The following PTPRN2 variants were observed in gnomAD, a reference collection of about 807,000 sequenced individuals.
PTPRN2 encodes receptor-type tyrosine-protein phosphatase N2.
A neutral mutation model predicts 118.8 loss-of-function variants in PTPRN2; 74 were observed. The ratio of observed to expected loss-of-function variants is 0.62; its 90% CI spans 0.52 to 0.76. The LOEUF (loss-of-function observed/expected upper bound fraction) is 0.76, where lower values mean the gene tolerates loss of function less well. Ranked by LOEUF, PTPRN2 falls within the 30% of genes least tolerant of loss-of-function variation. The pLI, the probability that PTPRN2 is intolerant of heterozygous loss-of-function variation, is 0.00. For synonymous variants in PTPRN2, 641 were observed against 608.0 expected (o/e 1.05, Z -0.80); for missense variants, 1,481 against 1,394.4 (o/e 1.06, Z -0.99).
At position 157,879,133 on chromosome 7, in the gene PTPRN2, G is replaced by A. The variant is rs543075812; in HGVS notation, c.1788+19540C>T. Among the ~76,000 whole-genome samples, 80 of 140,404 alleles carry A rather than the reference G, an allele frequency of 5.7e-4. No individual in the cohort carries two copies. In the South Asian group the frequency reaches 7.3e-3, roughly 13 times the overall value. The allele number at this position is 140,404 out of a possible 152,430, so 92.1% of individuals were successfully genotyped here. A position where few individuals can be genotyped will look rare whatever the true frequency, so the allele number is the denominator to read the frequency against. ...CACACTTACTCACCGAGGAGCTCTCGGATTCCGTGGGGCTGGACGGGTCAG... is the reference window on the plus strand; with the variant it reads ...CACACTTACTCACCGAGGAGCTCTCAGATTCCGTGGGGCTGGACGGGTCAG... On this transcript the variant is annotated intron_variant, in intron 12 of 22. Transcript: ENST00000389418.
chr7:157,644,346 G>A (rs920534643), intron 14 of PTPRN2, among the ~76,000 whole-genome samples: 2 of 152,292 alleles, frequency 1.3e-5, no homozygotes, highest in African/African-American at 2.4e-5. Flanking sequence ...TCTGGCCTCC[G>A]AAACTGTGAG....
intron 10 of PTPRN2, among the ~76,000 whole-genome samples, chr7:158,109,524 T>C (rs894687814): frequency 1.3e-5 from 2 of 150,518 alleles, no homozygotes; most frequent in Non-Finnish European, 3.0e-5. Context: ...GTCAACCCTG[T>C]GTGAAGGAGC....
intron 9 of PTPRN2, among the ~76,000 whole-genome samples, chr7:158,129,345 T>C (rs1817973282): frequency 7.5e-6 from 1 of 133,772 alleles, no homozygotes; most frequent in African/African-American, 2.9e-5. Context: ...GCACTACACA[T>C]AACACACACC....
At chr7:157,976,472 A>T (rs1802757541) in intron 11 of PTPRN2, among the ~76,000 whole-genome samples, 1 of 151,612 alleles carries the variant, frequency 6.6e-6, no homozygotes, top group Non-Finnish European at 1.5e-5. Context: ...CCCCCCACCA[A>T]TTACCCCTTC....
intron 22 of PTPRN2, among the ~76,000 whole-genome samples, chr7:157,543,798 G>A (rs1267402369): frequency 6.6e-6 from 1 of 152,212 alleles, no homozygotes; most frequent in African/African-American, 2.4e-5. Context: ...AGGGGGTGAG[G>A]ATGACACACC....
rs190482554 is a variant in PTPRN2 at position 157,558,488 on chromosome 7, G to A, written c.2903-9469C>T. Among the ~76,000 whole-genome samples, 10 of 152,362 alleles carry A rather than the reference G, an allele frequency of 6.6e-5. No individual in the cohort carries two copies. The East Asian group carries it at 1.9e-3, about 29-fold the overall frequency. ...TGCGGTCAATGGCGTTCAGGAGGCC[G>A]TCTGCAGCTGAGTAACAATCACACC... On this transcript the variant is annotated intron_variant, in intron 21 of 22. Coordinates refer to ENST00000389418, the MANE Select transcript of PTPRN2 (RefSeq NM_002847.5).
intron 12 of PTPRN2, among the ~76,000 whole-genome samples, chr7:157,812,869 G>C (rs1806144532): frequency 1.3e-5 from 2 of 152,130 alleles, no homozygotes; most frequent in South Asian, 4.2e-4. Context: ...AACCAGCGTT[G>C]TGCAAACCGG....
chr7:157,695,570 C>T (rs565016394), intron 12 of PTPRN2, among the ~76,000 whole-genome samples: 1 of 152,202 alleles, frequency 6.6e-6, no homozygotes, highest in South Asian at 2.1e-4. Context: ...ACAATGAGTG[C>T]ATTTTGAAAA....
chr7:158,425,565 G>T (rs1245731343), intron 2 of PTPRN2, among the ~76,000 whole-genome samples: 3 of 67,816 alleles, frequency 4.4e-5, no homozygotes, highest in African/African-American at 6.6e-5. Context: ...AAAGACGCGG[G>T]GTCCGAGACC....
chr7:158,404,026 G>A (rs571085789), intron 2 of PTPRN2, among the ~76,000 whole-genome samples: 48 of 152,330 alleles, frequency 3.2e-4, no homozygotes, highest in African/African-American at 1.1e-3. Context: ...AAAATGACAC[G>A]AAGACGTTGT....
chr7:158,547,062 C>A (rs1025490673), intron 1 of PTPRN2, among the ~76,000 whole-genome samples: 1 of 152,198 alleles, frequency 6.6e-6, no homozygotes, highest in Non-Finnish European at 1.5e-5. Context: ...TCACTCACCC[C>A]ACACCACCGA....
intron 12 of PTPRN2, among the ~76,000 whole-genome samples, chr7:157,689,269 C>G (rs1797351870): frequency 6.6e-6 from 1 of 152,254 alleles, no homozygotes; most frequent in Non-Finnish European, 1.5e-5. Context: ...GACGCAAGGA[C>G]AGCCTGGTTT....
At chr7:158,468,789 G>A (rs998614881) in intron 2 of PTPRN2, among the ~76,000 whole-genome samples, 10 of 151,672 alleles carry the variant, frequency 6.6e-5, no homozygotes, top group African/African-American at 2.2e-4. Context: ...ACACACTCCC[G>A]GTGGAGCAAC....
intron 12 of PTPRN2, among the ~76,000 whole-genome samples, chr7:157,766,955 G>T (rs554530228): frequency 6.6e-6 from 1 of 152,326 alleles, no homozygotes; most frequent in East Asian, 1.9e-4. Context: ...GTGGAATCCT[G>T]TCTGATGACC....
chr7:157,561,015 G>A (rs1799160191), intron 21 of PTPRN2, among the ~76,000 whole-genome samples: 1 of 152,064 alleles, frequency 6.6e-6, no homozygotes, highest in Non-Finnish European at 1.5e-5. Context: ...CCCTCTCCTG[G>A]GCCCCGTGGC....
chr7:157,913,157 G>A (rs1380319237), intron 11 of PTPRN2, among the ~76,000 whole-genome samples: 4 of 151,854 alleles, frequency 2.6e-5, no homozygotes, highest in Non-Finnish European at 4.4e-5. Context: ...ATATATTCCC[G>A]GGACTTTAAA....
chr7:158,248,749 C>T (rs1796425677), intron 3 of PTPRN2, among the ~76,000 whole-genome samples: 1 of 54,588 alleles, frequency 1.8e-5, no homozygotes. Context: ...TACACACGCA[C>T]ACACATCACA....
At chr7:158,100,398 CTT>C (rs1472522848) in intron 10 of PTPRN2, among the ~76,000 whole-genome samples, 1 of 152,118 alleles carries the variant, frequency 6.6e-6, no homozygotes, top group East Asian at 1.9e-4. Flanking sequence ...ATAATGACTT[CTT>C]GTCCTCCAGG....
At chr7:158,039,486 G>T (rs956293456) in intron 11 of PTPRN2, among the ~76,000 whole-genome samples, 1 of 152,160 alleles carries the variant, frequency 6.6e-6, no homozygotes, top group Non-Finnish European at 1.5e-5. Context: ...AATGACAGGG[G>T]ATTACAGATA....
Sources: gnomAD v4.1 joint callset for allele counts (sites outside exome capture counted in the v4.1 genomes callset) on GRCh38, gnomAD v4.1.1 for gene constraint, MANE v1.5 for transcripts, NCBI Gene and HGNC (gene_info 2026-07-23, HGNC 2026-07-21) for gene names.